Variants in ATP10B observed in about 807,000 individuals in gnomAD.
ATP10B encodes the protein phospholipid-transporting ATPase VB.
Under a neutral mutation model 141.2 loss-of-function variants are expected in ATP10B, and 122 were observed. That is an observed-to-expected ratio of 0.86 (90% confidence interval 0.75 to 1.00). The LOEUF is 1.00. Ranked by LOEUF, ATP10B falls within the 50% of genes least tolerant of loss-of-function variation. The pLI, the probability that ATP10B is intolerant of heterozygous loss-of-function variation, is 0.00. For missense variants in ATP10B, 1,876 were observed against 1,825.3 expected, an observed-to-expected ratio of 1.03 and a Z score of -0.51; for synonymous variants, 685 against 692.0, an observed-to-expected ratio of 0.99 and a Z score of 0.16.
chr5:160,829,620 ATC>A (rs1774920469), intron 1 of ATP10B, among the ~76,000 whole-genome samples: 5 of 152,164 alleles, frequency 3.3e-5, no homozygotes, highest in African/African-American at 1.2e-4. Context: ...CATTTATGTC[ATC>A]TCTGATTTCT....
intron 7 of ATP10B, among the ~76,000 whole-genome samples, chr5:160,650,092 A>G (rs563582624): frequency 1.6e-4 from 24 of 151,066 alleles, no homozygotes; most frequent in Non-Finnish European, 8.8e-5. Context: ...CTGGCAGAGC[A>G]AGACTCTGTC....
At chr5:160,590,144 A>G (rs1465228152) in intron 23 of ATP10B, among the ~76,000 whole-genome samples, 2 of 152,180 alleles carry the variant, frequency 1.3e-5, no homozygotes, top group African/African-American at 2.4e-5. Flanking sequence ...AGAGGAGTTA[A>G]TCACTTGGAA....
intron 24 of ATP10B, among the ~76,000 whole-genome samples, chr5:160,585,954 C>T (rs577202014): frequency 6.6e-6 from 1 of 152,204 alleles, no homozygotes; most frequent in African/African-American, 2.4e-5. Flanking sequence ...CACATTGGAG[C>T]AGGATTTTAA....
the ATP10B span, among the ~76,000 whole-genome samples, chr5:160,883,067 G>T: frequency 6.6e-6 from 1 of 152,142 alleles, no homozygotes; most frequent in Admixed American, 6.5e-5. Context: ...AATGGGAAAA[G>T]CAAGTTTTAA....
chr5:160,864,374 C>T, the ATP10B span, among the ~76,000 whole-genome samples: 2 of 151,814 alleles, frequency 1.3e-5, no homozygotes, highest in African/African-American at 2.4e-5. Flanking sequence ...TTATAAAATC[C>T]ACCATTTCTC....
At position 160,622,571 on chromosome 5, in the gene ATP10B, A is replaced by G. The variant is rs1478188905; in HGVS notation, c.1635T>C (p.Thr545=). ...AFSSSIEKDV[T]PDKNLLTKVR... ...CCTTGGTCAGTAGGTTTTTATCTGGAGTTACATCTTTTTCCTGGAAGAGAA... is the reference window on the plus strand; with the variant it reads ...CCTTGGTCAGTAGGTTTTTATCTGGGGTTACATCTTTTTCCTGGAAGAGAA... Residue 545 remains threonine, a synonymous_variant, in exon 14 of 26, where the codon ACT becomes ACC. Coordinates refer to ENST00000327245, the MANE Select transcript of ATP10B (RefSeq NM_025153.3). The G allele has an allele frequency of 3.1e-6, 5 of 1,610,394 alleles. No individual in the cohort carries two copies. Among genetic ancestry groups the G allele is most frequent in the East Asian group, 2.2e-5 (1 of 44,782 alleles).
intron 24 of ATP10B, among the ~76,000 whole-genome samples, chr5:160,573,020 G>A (rs1049123226): frequency 1.3e-5 from 2 of 151,970 alleles, no homozygotes; most frequent in African/African-American, 4.8e-5. Context: ...ATGCTTTTTT[G>A]CTTTATCATA....
intron 1 of ATP10B, among the ~76,000 whole-genome samples, chr5:160,803,992 G>C (rs1772590431): frequency 6.6e-6 from 1 of 151,996 alleles, no homozygotes. Context: ...TCTGACTCCA[G>C]TTCCTGACTG....
At chr5:160,766,505 T>G (rs574000207) in intron 2 of ATP10B, among the ~76,000 whole-genome samples, 1 of 152,026 alleles carries the variant, frequency 6.6e-6, no homozygotes, top group Non-Finnish European at 1.5e-5. Context: ...GAAAATCAAA[T>G]GTTGTATGTT....
chr5:160,686,039 A>C (rs900567073), intron 6 of ATP10B, 40 bp downstream of exon 6: 7 of 1,460,668 alleles, frequency 4.8e-6, no homozygotes, highest in Non-Finnish European at 6.4e-6. Context: ...AGTTTGCCTA[A>C]CCCATTTGCA....
At chr5:160,586,475 T>C (rs1016833554) in intron 24 of ATP10B, among the ~76,000 whole-genome samples, 1 of 152,226 alleles carries the variant, frequency 6.6e-6, no homozygotes, top group African/African-American at 2.4e-5. Context: ...TGAATTATAA[T>C]GCTTTGGGTA....
intron 1 of ATP10B, among the ~76,000 whole-genome samples, chr5:160,787,749 G>A (rs139448399): frequency 2.7e-3 from 406 of 152,168 alleles, no homozygotes; most frequent in Middle Eastern, 0.01. Flanking sequence ...GACACTCTGT[G>A]ATCTTTTATA....
intron 24 of ATP10B, among the ~76,000 whole-genome samples, chr5:160,589,141 A>G (rs1332774538): frequency 6.6e-6 from 1 of 152,086 alleles, no homozygotes; most frequent in Non-Finnish European, 1.5e-5. Flanking sequence ...CCTCCCGAGT[A>G]GCTGTGACCA....
intron 11 of ATP10B, among the ~76,000 whole-genome samples, chr5:160,635,978 T>TC (rs1311596814): frequency 6.6e-6 from 1 of 152,132 alleles, no homozygotes; most frequent in Non-Finnish European, 1.5e-5. Context: ...GGGGGCAGAG[T>TC]CCCCTCCACA....
chr5:160,850,283 G>T (rs1299001706), intron 1 of ATP10B, among the ~76,000 whole-genome samples: 2 of 152,052 alleles, frequency 1.3e-5, no homozygotes, highest in East Asian at 1.9e-4. Flanking sequence ...AATTAGCCAG[G>T]CATGGTGGTG....
chr5:160,695,124 A>T (rs1764286139), intron 3 of ATP10B, among the ~76,000 whole-genome samples: 1 of 152,238 alleles, frequency 6.6e-6, no homozygotes, highest in South Asian at 2.1e-4. Context: ...TGACTGGGTA[A>T]CATCAGGTTA....
Position 160,631,896 on chromosome 5 carries a change from GC to G in ATP10B, c.1620+232del, listed in dbSNP as rs532595983. 9.0e-4 allele frequency among the ~76,000 whole-genome samples: 137 copies of G among 152,086 alleles called. 1 individual carries two copies. The highest frequency in any genetic ancestry group is 3.1e-3 in the South Asian group (15 of 4,826). On this transcript the variant is annotated intron_variant, in intron 13 of 25. Transcript: ENST00000327245. ...TTATAATTCAATTTTTAAAAGAGAA[GC>G]AAAAAAGTCTATATGCTTACATAAA...
chr5:160,595,777 C>T (rs1220096975), intron 22 of ATP10B, among the ~76,000 whole-genome samples: 1 of 151,130 alleles, frequency 6.6e-6, no homozygotes, highest in Non-Finnish European at 1.5e-5. Flanking sequence ...TATGCAAATA[C>T]ACTAGAAAAT....
intron 2 of ATP10B, among the ~76,000 whole-genome samples, chr5:160,779,133 A>G (rs1770549017): frequency 6.6e-6 from 1 of 152,192 alleles, no homozygotes; most frequent in Non-Finnish European, 1.5e-5. Context: ...TGTGGTTTTT[A>G]TATAATCACA....
Sources: gnomAD v4.1 joint callset for allele counts (sites outside exome capture counted in the v4.1 genomes callset) on GRCh38, gnomAD v4.1.1 for gene constraint, MANE v1.5 for transcripts, NCBI Gene and HGNC (gene_info 2026-07-23, HGNC 2026-07-21) for gene names.